MSN: variants seen among roughly 807,000 people sequenced by gnomAD.
MSN encodes moesin, also known as epididymis luminal protein 70.
Under a neutral mutation model 48.0 loss-of-function variants are expected in MSN, and 2 were observed. That is an observed-to-expected ratio of 0.04 (90% CI 0.02 to 0.13). The LOEUF (loss-of-function observed/expected upper bound fraction) is 0.13, where lower values mean the gene tolerates loss of function less well. Ranked by LOEUF, MSN falls within the 10% of genes least tolerant of loss-of-function variation. The pLI, the probability that MSN is intolerant of heterozygous loss-of-function variation, is 1.00. For missense variants in MSN, 267 were observed against 470.1 expected, an observed-to-expected ratio of 0.57 and a Z score of 3.99; for synonymous variants, 146 against 166.9, an observed-to-expected ratio of 0.87 and a Z score of 0.97.
intron 8 of MSN, 43 bp from the exon 9 acceptor site, chrX:65,736,752 G>T: frequency 2.6e-6 from 3 of 1,153,794 alleles, no homozygotes; most frequent in Non-Finnish European, 2.3e-6. Context: ...GGCTTTTGTG[G>T]AGCGTTGTTA....
intron 2 of MSN, among the ~76,000 whole-genome samples, chrX:65,718,270 T>G (rs1294373151): frequency 9.1e-6 from 1 of 109,546 alleles, no homozygotes; most frequent in Non-Finnish European, 1.9e-5. Context: ...CTTCATCCCC[T>G]CCCCCCGAGA....
Position 65,739,124 on chromosome X carries a change from C to G in MSN, c.1499C>G (p.Ala500Gly). 8.3e-7 allele frequency: 1 copy of G among 1,211,532 alleles called. No homozygotes were observed. The highest frequency in any genetic ancestry group is 1.1e-6 in the Non-Finnish European group (1 of 895,343). The part of the protein sequence containing the change: ...ASADLRADAM[A>G]KDRSEEERTT... ...GCTGACCTACGGGCTGATGCTATGG[C>G]CAAGGACCGCAGTGAGGAGGAACGT... Residue 500 changes from alanine (A) to glycine (G), a missense_variant, in exon 12 of 13, where the codon GCC becomes GGC. By Grantham distance (60) the Ala-to-Gly change is moderately conservative. Around this residue, in one of 5 missense-constraint regions of MSN, gnomAD observed 48 missense variants for 115.5 expected, o/e 0.42. Transcript: ENST00000360270.
At chrX:65,689,247 C>A (rs2071147332) in intron 1 of MSN, among the ~76,000 whole-genome samples, 1 of 111,520 alleles carries the variant, frequency 9.0e-6, no homozygotes, top group African/African-American at 3.3e-5. Flanking sequence ...ATGTTATACT[C>A]CCCTAACAAT....
chrX:65,729,726 C>A lies in MSN; in HGVS notation c.467+14C>A. 1 of 1,205,114 alleles carries A rather than the reference C, an allele frequency of 8.3e-7. No individual in the cohort carries two copies. On this transcript the variant is annotated intron_variant, in intron 4 of 12. Coordinates refer to ENST00000360270, the MANE Select transcript of MSN (RefSeq NM_002444.3). ...GCTCCCGCAGAGGTGAGGTGGTTCC[C>A]TGCCCTCCTTTGCCTTGGCCATAAG... is the stretch of plus-strand genomic sequence containing the variant.
intron 1 of MSN, among the ~76,000 whole-genome samples, chrX:65,653,761 ACT>A (rs2070759490): frequency 9.1e-6 from 1 of 110,048 alleles, no homozygotes. Context: ...CTATGACCAC[ACT>A]TTTTCTATGT....
chrX:65,708,441 T>C (rs1227431956), intron 1 of MSN, among the ~76,000 whole-genome samples: 2 of 108,396 alleles, frequency 1.8e-5, no homozygotes, highest in African/African-American at 6.7e-5. Flanking sequence ...TACAGGTGTG[T>C]GCCACCATGC....
intron 1 of MSN, among the ~76,000 whole-genome samples, chrX:65,712,491 T>G (rs988179661): frequency 1.2e-4 from 13 of 110,662 alleles, no homozygotes; most frequent in Admixed American, 1.2e-3. Context: ...CTATATCTAG[T>G]GCTTTCCCTC....
At chrX:65,689,286 G>C (rs763193616) in intron 1 of MSN, among the ~76,000 whole-genome samples, 11 of 111,687 alleles carry the variant, frequency 9.8e-5, no homozygotes, top group Non-Finnish European at 1.7e-4. Flanking sequence ...CCATGGGTAC[G>C]GGAATGGTGG....
chrX:65,616,580 T>A, intron 1 of MSN, among the ~76,000 whole-genome samples: 1 of 78,653 alleles, frequency 1.3e-5, no homozygotes, highest in Non-Finnish European at 2.5e-5. Context: ...TTGCTGAAGT[T>A]GCTTATCAGC....
In MSN at chrX:65,609,802, G is replaced by A. The variant is rs983307516; in HGVS notation, c.-22+21190G>A. On this transcript the variant is annotated intron_variant, in intron 1 of 3. Transcript: ENST00000609672. Reference sequence around the variant, plus strand: ...GGAGGTTGAGGCAGGAGAATCACTCGAACCCGGGAGGCAGAGGTTGCAATG... The same window carrying A: ...GGAGGTTGAGGCAGGAGAATCACTCAAACCCGGGAGGCAGAGGTTGCAATG... Among the ~76,000 whole-genome samples, 9 of 110,613 alleles carry A rather than the reference G, an allele frequency of 8.1e-5. No homozygotes were observed. The East Asian group carries it at 8.5e-4, about 10-fold the overall frequency.
At chrX:65,637,086 T>A (rs1202299829) in intron 1 of MSN, among the ~76,000 whole-genome samples, 2 of 73,565 alleles carry the variant, frequency 2.7e-5, no homozygotes, top group Admixed American at 1.7e-4. Context: ...CAAGATTCGG[T>A]CTCAAAAAAA....
At chrX:65,637,052 T>A (rs1312295951) in intron 1 of MSN, among the ~76,000 whole-genome samples, 1 of 99,339 alleles carries the variant, frequency 1.0e-5, no homozygotes, top group Non-Finnish European at 2.0e-5. Flanking sequence ...ATCATGCCAC[T>A]GCTCTCCAGC....
At chrX:65,725,633 A>G (rs779233046) in intron 2 of MSN, among the ~76,000 whole-genome samples, 2 of 111,791 alleles carry the variant, frequency 1.8e-5, no homozygotes, top group East Asian at 5.6e-4. Context: ...GCAAAAAGCC[A>G]ATATTACATT....
intron 1 of MSN, among the ~76,000 whole-genome samples, chrX:65,623,291 C>T (rs2070469638): frequency 9.3e-6 from 1 of 108,016 alleles, no homozygotes; most frequent in Non-Finnish European, 1.9e-5. Flanking sequence ...AGAAAGTATT[C>T]CCCCTTCTAT....
chrX:65,609,827 G>A (rs2070306728), intron 1 of MSN, among the ~76,000 whole-genome samples: 1 of 110,327 alleles, frequency 9.1e-6, no homozygotes, highest in Admixed American at 9.7e-5. Context: ...AGGTTGCAAT[G>A]AGCTGAGATC....
At chrX:65,726,855 C>G in intron 2 of MSN, among the ~76,000 whole-genome samples, 1 of 111,311 alleles carries the variant, frequency 9.0e-6, no homozygotes, top group Non-Finnish European at 1.9e-5. Context: ...CTGCTGCCAT[C>G]GACAGTGGTG....
intron 1 of MSN, among the ~76,000 whole-genome samples, chrX:65,605,819 G>A (rs1320469827): frequency 8.9e-6 from 1 of 111,758 alleles, no homozygotes; most frequent in Non-Finnish European, 1.9e-5. Context: ...GATATTCACT[G>A]GCTCTGAGAG....
chrX:65,596,206 C>T (rs1333756263), intron 1 of MSN, among the ~76,000 whole-genome samples: 1 of 111,212 alleles, frequency 9.0e-6, no homozygotes, highest in Non-Finnish European at 1.9e-5. Flanking sequence ...TGAATGGAAA[C>T]TGGGGACTCT....
chrX:65,735,811 G>A (rs1282778738), intron 8 of MSN, among the ~76,000 whole-genome samples: 3 of 111,847 alleles, frequency 2.7e-5, no homozygotes, highest in African/African-American at 6.5e-5. Flanking sequence ...GGGAGGAGAC[G>A]AACATAATAA....
Sources: allele counts gnomAD v4.1 joint callset (sites outside exome capture counted in the v4.1 genomes callset), GRCh38; gene constraint gnomAD v4.1.1; regional missense constraint gnomAD v4.1.1; transcripts MANE v1.5; gene names NCBI Gene and HGNC (gene_info 2026-07-23, HGNC 2026-07-21).